Variants in RBMS3 observed in about 807,000 individuals in gnomAD.
The protein encoded by RBMS3 is RNA binding motif single stranded interacting protein 3.
RBMS3 carries 27 observed loss-of-function variants against 66.8 expected under a neutral mutation model. The ratio of observed to expected loss-of-function variants is 0.40; its 90% CI spans 0.30 to 0.56. The LOEUF (loss-of-function observed/expected upper bound fraction) is 0.56, where lower values mean the gene tolerates loss of function less well. Among genes scored for constraint, RBMS3 ranks in the 20% least tolerant of loss-of-function variants. The pLI, the probability that RBMS3 is intolerant of heterozygous loss-of-function variation, is 0.40. For synonymous variants in RBMS3, 188 were observed against 183.0 expected, an observed-to-expected ratio of 1.03 and a Z score of -0.22; for missense variants, 513 against 549.5, an observed-to-expected ratio of 0.93 and a Z score of 0.66.
intron 14 of RBMS3, among the ~76,000 whole-genome samples, chr3:29,993,493 CTG>C (rs1699015049): frequency 6.6e-6 from 1 of 152,136 alleles, no homozygotes; most frequent in Non-Finnish European, 1.5e-5. Context: ...CTGGGTATGT[CTG>C]TGAGGGTGAT....
chr3:29,560,539 A>C (rs182111373), intron 3 of RBMS3, among the ~76,000 whole-genome samples: 7 of 152,356 alleles, frequency 4.6e-5, no homozygotes, highest in Admixed American at 2.0e-4. Flanking sequence ...ATTAAAATTT[A>C]AATTCACTGT....
intron 3 of RBMS3, among the ~76,000 whole-genome samples, chr3:29,516,561 G>T (rs987431207): frequency 4.6e-5 from 7 of 151,958 alleles, no homozygotes; most frequent in African/African-American, 1.7e-4. Flanking sequence ...TCCCACTTTA[G>T]CCTCCTGAAT....
At chr3:29,482,910 G>A (rs1460540688) in intron 2 of RBMS3, among the ~76,000 whole-genome samples, 2 of 151,246 alleles carry the variant, frequency 1.3e-5, no homozygotes, top group Non-Finnish European at 2.9e-5. Flanking sequence ...GTTTCACCAC[G>A]TTGGTCAGGC....
At chr3:29,800,842 GCT>G (rs2057366374) in intron 6 of RBMS3, among the ~76,000 whole-genome samples, 1 of 151,794 alleles carries the variant, frequency 6.6e-6, no homozygotes, top group Non-Finnish European at 1.5e-5. Context: ...ACAGTATTTT[GCT>G]CTTTTATAGG....
At chr3:29,400,772 T>C (rs1244310716) in intron 1 of RBMS3, among the ~76,000 whole-genome samples, 1 of 151,974 alleles carries the variant, frequency 6.6e-6, no homozygotes, top group Non-Finnish European at 1.5e-5. Context: ...TTGATAGATG[T>C]TTTCAAGTTT....
chr3:29,660,352 A>C (rs975574922), intron 4 of RBMS3, among the ~76,000 whole-genome samples: 14 of 152,188 alleles, frequency 9.2e-5, no homozygotes, highest in African/African-American at 3.4e-4. Flanking sequence ...GTGTAGCCAC[A>C]ACCACCCTTG....
intron 4 of RBMS3, among the ~76,000 whole-genome samples, chr3:29,693,664 A>G (rs2052137887): frequency 1.3e-5 from 2 of 152,214 alleles, no homozygotes; most frequent in Non-Finnish European, 2.9e-5. Flanking sequence ...TACTTTATTC[A>G]TACAGTCATT....
intron 12 of RBMS3, among the ~76,000 whole-genome samples, chr3:29,972,948 A>G (rs149797911): frequency 6.6e-6 from 1 of 152,102 alleles, no homozygotes; most frequent in Non-Finnish European, 1.5e-5. Flanking sequence ...TCCAAAATAA[A>G]GAAGCAAGCC....
chr3:29,931,087 T>C (rs1435145498), intron 10 of RBMS3, among the ~76,000 whole-genome samples: 2 of 152,134 alleles, frequency 1.3e-5, no homozygotes, highest in African/African-American at 4.8e-5. Context: ...CAACATAATT[T>C]CAACCCTTTC....
At chr3:29,911,414 G>T (rs1397876313) in intron 10 of RBMS3, among the ~76,000 whole-genome samples, 1 of 151,986 alleles carries the variant, frequency 6.6e-6, no homozygotes, top group Non-Finnish European at 1.5e-5. Context: ...CATGATTAGG[G>T]CTGTTGTCCT....
chr3:29,469,280 T>C (rs78715099), intron 2 of RBMS3, among the ~76,000 whole-genome samples: 11,008 of 152,172 alleles, frequency 0.072, 470 homozygotes, highest in East Asian at 0.16. Context: ...AAACTATTAT[T>C]CTGTTGGTAA....
At chr3:29,328,477 G>T (rs1046300354) in intron 1 of RBMS3, among the ~76,000 whole-genome samples, 1 of 152,054 alleles carries the variant, frequency 6.6e-6, no homozygotes, top group South Asian at 2.1e-4. Flanking sequence ...CTTCATCCCA[G>T]AATTAGTGTT....
chr3:29,574,166 C>T (rs2047031834), intron 3 of RBMS3, among the ~76,000 whole-genome samples: 1 of 152,078 alleles, frequency 6.6e-6, no homozygotes, highest in African/African-American at 2.4e-5. Context: ...TTATTGATGT[C>T]TTAGCTATTA....
At chr3:29,889,150 T>C (rs2059941434) in intron 8 of RBMS3, among the ~76,000 whole-genome samples, 1 of 151,610 alleles carries the variant, frequency 6.6e-6, no homozygotes, top group Admixed American at 6.6e-5. Flanking sequence ...TCTGTGATTC[T>C]TGGAACATCC....
intron 4 of RBMS3, among the ~76,000 whole-genome samples, chr3:29,595,546 G>A (rs1448273050): frequency 6.6e-6 from 1 of 152,066 alleles, no homozygotes; most frequent in Non-Finnish European, 1.5e-5. Flanking sequence ...ACCAAATAAT[G>A]AATAGTCTTC....
At chr3:29,698,122 G>T in intron 4 of RBMS3, 1 of 805,712 alleles carries the variant, frequency 1.2e-6, no homozygotes, top group Non-Finnish European at 1.5e-6. Context: ...GAAGGGACAG[G>T]CTTGTGGCTG....
At chr3:29,991,365 G>C in intron 14 of RBMS3, 156 bp downstream of exon 14, 2 of 1,281,504 alleles carry the variant, frequency 1.6e-6, no homozygotes, top group South Asian at 1.5e-5. Flanking sequence ...TTGAAATTTG[G>C]GCTAACTTTG....
chr3:29,993,269 G>C lies in RBMS3; in HGVS notation c.1307+2060G>C, dbSNP rs575839751. ...TTTTATGTGCAAAACTAATACTGTG[G>C]TAGACTCTGAAACTCCAGTCCAAGC... On this transcript the variant is annotated intron_variant, in intron 14 of 14. Coordinates refer to ENST00000383767, the MANE Select transcript of RBMS3 (RefSeq NM_001003793.3). Among the ~76,000 whole-genome samples the C allele has an allele frequency of 5.4e-5, 8 of 149,156 alleles. No homozygotes were observed. In the East Asian group the frequency reaches 1.5e-3, roughly 29 times the overall value.
At chr3:29,466,465 A>AT (rs889921522) in intron 2 of RBMS3, among the ~76,000 whole-genome samples, 4 of 151,712 alleles carry the variant, frequency 2.6e-5, no homozygotes, top group Admixed American at 6.6e-5. Flanking sequence ...AATATTTAAG[A>AT]TTTTTTTTTA....
Sources: allele counts gnomAD v4.1 joint callset (sites outside exome capture counted in the v4.1 genomes callset), GRCh38; gene constraint gnomAD v4.1.1; transcripts MANE v1.5; gene names NCBI Gene and HGNC (gene_info 2026-07-23, HGNC 2026-07-21).